The following ESRRB variants were observed in gnomAD, a reference collection of about 807,000 sequenced individuals.
The protein encoded by ESRRB is estrogen related receptor beta.
Under a neutral mutation model 46.0 loss-of-function variants are expected in ESRRB, and 16 were observed. The ratio of observed to expected loss-of-function variants is 0.35; its 90% CI spans 0.24 to 0.53. The LOEUF is 0.53. Among genes scored for constraint, ESRRB ranks in the 20% least tolerant of loss-of-function variants. ESRRB has a pLI of 0.93. For synonymous variants in ESRRB, 246 were observed against 259.6 expected, an observed-to-expected ratio of 0.95 and a Z score of 0.50; for missense variants, 488 against 607.4, an observed-to-expected ratio of 0.80 and a Z score of 2.07.
At chr14:76,458,425 GACACACAC>G (rs58562150) in intron 2 of ESRRB, among the ~76,000 whole-genome samples, 5,736 of 134,886 alleles carry the variant, frequency 0.043, 235 homozygotes, top group African/African-American at 0.11. Flanking sequence ...CTCTCTCTCT[GACACACAC>G]ACACACACAC....
chr14:76,314,017 GGA>G (rs984228454), intron 1 of ESRRB, among the ~76,000 whole-genome samples: 7 of 152,112 alleles, frequency 4.6e-5, no homozygotes, highest in Non-Finnish European at 5.9e-5. Flanking sequence ...AAACAGAGAG[GGA>G]GAGAGTGACT....
intron 1 of ESRRB, among the ~76,000 whole-genome samples, chr14:76,328,893 A>G (rs1883969558): frequency 6.6e-6 from 1 of 152,160 alleles, no homozygotes; most frequent in Non-Finnish European, 1.5e-5. Flanking sequence ...CTATGTTGCA[A>G]ATATTCAAAG....
At chr14:76,329,795 C>G (rs1883980498) in intron 1 of ESRRB, among the ~76,000 whole-genome samples, 1 of 152,182 alleles carries the variant, frequency 6.6e-6, no homozygotes, top group South Asian at 2.1e-4. Flanking sequence ...TTAGCAATCT[C>G]TTCATTTCCA....
intron 3 of ESRRB, among the ~76,000 whole-genome samples, chr14:76,464,004 A>G (rs1036995026): frequency 5.3e-5 from 8 of 152,114 alleles, no homozygotes; most frequent in African/African-American, 1.9e-4. Flanking sequence ...TGCCCAGCCG[A>G]TGTTTTCAGT....
intron 1 of ESRRB, among the ~76,000 whole-genome samples, chr14:76,350,786 C>A (rs1280141406): frequency 6.6e-6 from 1 of 152,174 alleles, no homozygotes; most frequent in Non-Finnish European, 1.5e-5. Flanking sequence ...CACCATGGAC[C>A]ACCTGGACAC....
chr14:76,470,286 C>T (rs1889328526), intron 3 of ESRRB, among the ~76,000 whole-genome samples: 1 of 151,922 alleles, frequency 6.6e-6, no homozygotes, highest in East Asian at 1.9e-4. Context: ...TCCCTTTTTC[C>T]CTCCACAAAC....
intron 1 of ESRRB, among the ~76,000 whole-genome samples, chr14:76,351,986 T>TAAAAAAAAAAAAAAAAAAAAAAA (rs201356393): frequency 2.2e-5 from 2 of 91,778 alleles, no homozygotes; most frequent in East Asian, 3.0e-4. Flanking sequence ...CCCAGTCTCT[T>TAAAAAAAAAAAAAAAAAAAAAAA]AAAAAAAAAA....
At chr14:76,387,518 G>A (rs1226226163) in intron 1 of ESRRB, among the ~76,000 whole-genome samples, 1 of 152,188 alleles carries the variant, frequency 6.6e-6, no homozygotes, top group Non-Finnish European at 1.5e-5. Context: ...TCCGAGCCCT[G>A]CTCCATGCAA....
At chr14:76,432,594 C>T (rs117223537) in intron 1 of ESRRB, among the ~76,000 whole-genome samples, 1 of 151,264 alleles carries the variant, frequency 6.6e-6, no homozygotes, top group Non-Finnish European at 1.5e-5. Flanking sequence ...CAATGCCCCC[C>T]TCTGCCACCT....
intron 1 of ESRRB, among the ~76,000 whole-genome samples, chr14:76,408,261 T>C (rs1291240827): frequency 6.6e-6 from 1 of 152,208 alleles, no homozygotes; most frequent in Non-Finnish European, 1.5e-5. Flanking sequence ...AGTTCCCATC[T>C]GTCCTTAAAG....
chr14:76,364,754 C>T (rs1884501962), intron 1 of ESRRB, among the ~76,000 whole-genome samples: 1 of 151,372 alleles, frequency 6.6e-6, no homozygotes, highest in Non-Finnish European at 1.5e-5. Context: ...TCAGAATCAC[C>T]AACCCAACTT....
At chr14:76,315,001 CT>C (rs1883781984) in intron 1 of ESRRB, among the ~76,000 whole-genome samples, 1 of 151,992 alleles carries the variant, frequency 6.6e-6, no homozygotes, top group Non-Finnish European at 1.5e-5. Flanking sequence ...TCACGTGGGC[CT>C]TTTTTCCCTG....
intron 6 of ESRRB, chr14:76,495,445 A>G (rs1284679712): frequency 6.6e-6 from 1 of 151,606 alleles, no homozygotes; most frequent in African/African-American, 2.4e-5. Context: ...AGAGAGCCGC[A>G]GTCCTTGATG....
chr14:76,365,634 AGT>A (rs1478848717), intron 1 of ESRRB, among the ~76,000 whole-genome samples: 1 of 152,168 alleles, frequency 6.6e-6, no homozygotes, highest in Non-Finnish European at 1.5e-5. Context: ...ACATTTGTGT[AGT>A]GTGTGTGTGT....
At chr14:76,382,769 G>A (rs752976147) in intron 1 of ESRRB, among the ~76,000 whole-genome samples, 4 of 152,130 alleles carry the variant, frequency 2.6e-5, no homozygotes, top group Non-Finnish European at 4.4e-5. Context: ...CTGGGGCTCA[G>A]AGATAGAATT....
intron 1 of ESRRB, among the ~76,000 whole-genome samples, chr14:76,417,938 T>A (rs904196253): frequency 1.4e-5 from 2 of 147,272 alleles, no homozygotes; most frequent in African/African-American, 5.0e-5. Flanking sequence ...GTGGGGCTTT[T>A]ACATACTTTT....
At chr14:76,363,003 T>A (rs1455704472) in intron 1 of ESRRB, among the ~76,000 whole-genome samples, 1 of 152,164 alleles carries the variant, frequency 6.6e-6, no homozygotes, top group Non-Finnish European at 1.5e-5. Flanking sequence ...AAGTGCCTGG[T>A]CATTTGCAGA....
At chr14:76,458,251 C>T (rs140884802) in intron 2 of ESRRB, among the ~76,000 whole-genome samples, 1 of 152,186 alleles carries the variant, frequency 6.6e-6, no homozygotes, top group African/African-American at 2.4e-5. Flanking sequence ...CTCCTAGGCC[C>T]GCCTCAAGAG....
At chr14:76,429,617 G>A (rs1887350742) in intron 1 of ESRRB, among the ~76,000 whole-genome samples, 1 of 152,116 alleles carries the variant, frequency 6.6e-6, no homozygotes, top group African/African-American at 2.4e-5. Context: ...GGGTGTGGTG[G>A]CTCATGCCTG....
Sources: gnomAD v4.1 joint callset for allele counts (sites outside exome capture counted in the v4.1 genomes callset) on GRCh38, gnomAD v4.1.1 for gene constraint, MANE v1.5 for transcripts, NCBI Gene and HGNC (gene_info 2026-07-23, HGNC 2026-07-21) for gene names.